The following TRRAP variants were observed in gnomAD, a reference collection of about 807,000 sequenced individuals.
The protein encoded by TRRAP is transformation/transcription domain associated protein.
TRRAP carries 41 observed loss-of-function variants against 438.8 expected under a neutral mutation model. That is an observed-to-expected ratio of 0.09 (90% confidence interval 0.07 to 0.12). The LOEUF (loss-of-function observed/expected upper bound fraction) is 0.12, where lower values mean the gene tolerates loss of function less well. Ranked by LOEUF, TRRAP falls within the 10% of genes least tolerant of loss-of-function variation. The pLI is 1.00. For synonymous variants in TRRAP, 1,994 were observed against 1,962.9 expected (o/e 1.02, Z -0.42); for missense variants, 3,122 against 5,055.1 (o/e 0.62, Z 11.60).
chr7:98,906,270 C>A lies in TRRAP; in HGVS notation c.1115+15C>A. The A allele has an allele frequency of 6.2e-7, 1 of 1,609,878 alleles. No homozygotes were observed. The highest frequency in any genetic ancestry group is 8.5e-7 in the Non-Finnish European group (1 of 1,177,010). On this transcript the variant is annotated intron_variant, in intron 13 of 72. Coordinates refer to ENST00000456197, the MANE Select transcript of TRRAP (RefSeq NM_001375524.1). ...GAGACTCTAAGGTATGAGATTAAACCAGTGATATCTGGTTGGTTAAATGCC... is the reference window on the plus strand; with the variant it reads ...GAGACTCTAAGGTATGAGATTAAACAAGTGATATCTGGTTGGTTAAATGCC...
chr7:98,948,513 C>T lies in TRRAP; in HGVS notation c.4669-53C>T, dbSNP rs1562955173. On this transcript the variant is annotated intron_variant, in intron 34 of 72. Transcript: ENST00000456197. The surrounding 1 kb of genome is among the most constrained non-coding windows in gnomAD (Gnocchi z 4.9). ...AGGGACCTTGTTAGGTAGACAGCCTCAAGCTCTGAGAAGAGGAAGTTGTGA... is the reference window on the plus strand; with the variant it reads ...AGGGACCTTGTTAGGTAGACAGCCTTAAGCTCTGAGAAGAGGAAGTTGTGA... 5.6e-6 allele frequency: 9 copies of T among 1,613,846 alleles called. No individual in the cohort carries two copies. Among genetic ancestry groups the T allele is most frequent in the Non-Finnish European group, 6.8e-6 (8 of 1,180,010 alleles).
intron 3 of TRRAP, among the ~76,000 whole-genome samples, chr7:98,888,171 A>G (rs1424195549): frequency 6.6e-6 from 1 of 151,632 alleles, no homozygotes; most frequent in Non-Finnish European, 1.5e-5. Context: ...CAGAGCTTGC[A>G]GTGAGCCGAG....
chr7:99,011,104 T>A lies in TRRAP; in HGVS notation c.10991T>A (p.Met3664Lys). The A allele has an allele frequency of 6.2e-7, 1 of 1,614,196 alleles. No individual in the cohort carries two copies. Among genetic ancestry groups the A allele is most frequent in the Non-Finnish European group, 8.5e-7 (1 of 1,180,038 alleles). Residue 3664 changes from methionine (M) to lysine (K), a missense_variant, in exon 71 of 73, where the codon ATG becomes AAG. Met to Lys is a moderately conservative substitution (Grantham distance 95). Transcript: ENST00000456197. The surrounding 1 kb of genome is among the most constrained non-coding windows in gnomAD (Gnocchi z 7.1). The stretch of plus-strand genomic sequence containing the variant: ...CAGAGTAACATGGTGCCGCGCAGCA[T>A]GCTCAAGGAGTGGGCGCTGCACACC... ...EVQSNMVPRS[M>K]LKEWALHTFP...
chr7:99,006,005 T>A (rs1278912200), intron 69 of TRRAP, among the ~76,000 whole-genome samples: 1 of 152,200 alleles, frequency 6.6e-6, no homozygotes, highest in Non-Finnish European at 1.5e-5. Flanking sequence ...CTCTGGGCCC[T>A]CCCTGAATTT....
At chr7:98,962,540 C>T in intron 47 of TRRAP, 113 bp downstream of exon 47, 1 of 1,567,416 alleles carries the variant, frequency 6.4e-7, no homozygotes, top group South Asian at 1.2e-5. Context: ...GAGCTTTGAG[C>T]CGCTGCGTTG....
chr7:98,933,959 GTTAT>G (rs1204863798), intron 27 of TRRAP, among the ~76,000 whole-genome samples: 3 of 152,236 alleles, frequency 2.0e-5, no homozygotes, highest in Non-Finnish European at 2.9e-5. Flanking sequence ...AGCCAGGACT[GTTAT>G]TTAGAGCATG....
At chr7:98,980,835 C>T (rs933636578) in intron 58 of TRRAP, among the ~76,000 whole-genome samples, 1 of 152,230 alleles carries the variant, frequency 6.6e-6, no homozygotes, top group African/African-American at 2.4e-5. Flanking sequence ...AGGCAGATCA[C>T]TTGAGCCCAG....
In TRRAP at chr7:98,910,513, C is replaced by T. The variant is rs1554408562; in HGVS notation, c.1718C>T (p.Ala573Val). 4 of 1,613,972 alleles carry T rather than the reference C, an allele frequency of 2.5e-6. No individual in the cohort carries two copies. Among genetic ancestry groups the T allele is most frequent in the South Asian group, 1.1e-5 (1 of 91,058 alleles). The stretch of plus-strand genomic sequence containing the variant: ...TAATATACTTTCTCTTTTCCAGAAG[C>T]TCAGTTCATTCCCAACAAGCAGTTA... ...GITSCKAPGE[A>V]QFIPNKQLQP... The change falls in exon 16 of 73, where the codon GCT becomes GTT. Residue 573 changes from alanine (A) to valine (V), a missense_variant. Ala to Val is a moderately conservative substitution (Grantham distance 64, BLOSUM62 0). Transcript: ENST00000456197.
At chr7:98,980,065 G>A (rs1466176597) in intron 58 of TRRAP, among the ~76,000 whole-genome samples, 1 of 152,216 alleles carries the variant, frequency 6.6e-6, no homozygotes, top group Non-Finnish European at 1.5e-5. Flanking sequence ...TGGTGCCAAT[G>A]TGGAGGGTAA....
rs782263169 is a variant in TRRAP, at chr7:98,930,254, C to T, written c.3393+48C>T. ...CTTCTGATTTGGAGGGTGTCTGTAC[C>T]TGAGAGTGGTCCTTCTAGAAACTGA... On this transcript the variant is annotated intron_variant, in intron 24 of 72. Transcript: ENST00000456197. 5 of 1,594,748 alleles carry T rather than the reference C, an allele frequency of 3.1e-6. No homozygotes were observed. The South Asian group carries it at 5.5e-5, about 18-fold the overall frequency.
At chr7:98,918,619 C>G (rs1789637399) in intron 20 of TRRAP, among the ~76,000 whole-genome samples, 1 of 151,996 alleles carries the variant, frequency 6.6e-6, no homozygotes, top group Non-Finnish European at 1.5e-5. Context: ...ACCTCTCTAT[C>G]CAGGAAAGAT....
At chr7:98,885,697 A>C (rs1367506653) in intron 3 of TRRAP, among the ~76,000 whole-genome samples, 1 of 152,024 alleles carries the variant, frequency 6.6e-6, no homozygotes, top group Non-Finnish European at 1.5e-5. Context: ...AAGAGGTGAG[A>C]GGCAGAAGAG....
Position 98,912,141 on chromosome 7 carries a change from G to C in TRRAP, c.2127G>C (p.Leu709=). 6.2e-7 allele frequency: 1 copy of C among 1,614,170 alleles called. No homozygotes were observed. The highest frequency in any genetic ancestry group is 8.5e-7 in the Non-Finnish European group (1 of 1,180,026). The stretch of plus-strand genomic sequence containing the variant: ...GCTCCAACGTGGAGCTCTCCAACCT[G>C]TACCTCAAGCTGTTCAAGCTGGTCT... ...EMGSNVELSN[L]YLKLFKLVFG... The change falls in exon 18 of 73, where the codon CTG becomes CTC. Residue 709 remains leucine (L), a synonymous_variant. Coordinates refer to ENST00000456197, the MANE Select transcript of TRRAP (RefSeq NM_001375524.1).
intron 51 of TRRAP, 81 bp from the exon 52 acceptor site, chr7:98,970,026 AGTGAG>A: frequency 1.3e-6 from 2 of 1,510,908 alleles, no homozygotes; most frequent in Non-Finnish European, 1.8e-6. Flanking sequence ...GAGGTGCCTG[AGTGAG>A]GGGCATCTGG....
chr7:98,942,822 T>A (rs1790859565), intron 30 of TRRAP, 127 bp from the exon 31 acceptor site: 4 of 985,674 alleles, frequency 4.1e-6, no homozygotes, highest in Non-Finnish European at 6.2e-6. Context: ...ATGGTTGCGC[T>A]GTTTTAATAA....
chr7:98,946,484 C>T (rs1791067780), intron 33 of TRRAP, among the ~76,000 whole-genome samples: 2 of 151,442 alleles, frequency 1.3e-5, no homozygotes, highest in Non-Finnish European at 1.5e-5. Context: ...CGTGCACTCA[C>T]ACCACACATG....
In TRRAP at chr7:99,012,972, T is replaced by A. The variant is rs219816; in HGVS notation, c.*617T>A. On this transcript the variant is annotated 3_prime_UTR_variant, in exon 73 of 73. Coordinates refer to ENST00000456197, the MANE Select transcript of TRRAP (RefSeq NM_001375524.1). This position sits in a 1 kb window ranked among gnomAD's most constrained non-coding sequence, Gnocchi z 5.9. ...CCACACGCATCCACTTCGGATTCAG[T>A]GGGTGAAGACAGAACTCTGAGAGTC... 1 of 152,120 alleles carries A rather than the reference T, an allele frequency of 6.6e-6. No homozygotes were observed. Among genetic ancestry groups the A allele is most frequent in the Non-Finnish European group, 1.5e-5 (1 of 68,032 alleles). 9.4% of individuals were successfully genotyped at this position (152,120 alleles called of 1,614,324 possible).
At chr7:98,894,724 T>C (rs1417747625) in intron 6 of TRRAP, among the ~76,000 whole-genome samples, 5 of 149,790 alleles carry the variant, frequency 3.3e-5, no homozygotes, top group African/African-American at 1.2e-4. Context: ...GCGATTCTCC[T>C]GTCTCAGCCT....
chr7:98,933,468 A>T, intron 27 of TRRAP, 66 bp downstream of exon 27: 2 of 1,539,858 alleles, frequency 1.3e-6, no homozygotes, highest in Non-Finnish European at 1.8e-6. Context: ...CTGTCTTTGT[A>T]CGCGAAGACT....
Sources: allele counts gnomAD v4.1 joint callset (sites outside exome capture counted in the v4.1 genomes callset), GRCh38; gene constraint gnomAD v4.1.1; non-coding constraint Gnocchi (gnomAD v3.1); transcripts MANE v1.5; gene names NCBI Gene and HGNC (gene_info 2026-07-23, HGNC 2026-07-21).